Variants in HOOK3 observed in about 807,000 individuals in gnomAD.
HOOK3 encodes the protein protein Hook homolog 3.
HOOK3 carries 24 observed loss-of-function variants against 116.3 expected under a neutral mutation model. The ratio of observed to expected loss-of-function variants is 0.21; its 90% CI spans 0.15 to 0.29. The LOEUF is 0.29. Ranked by LOEUF, HOOK3 falls within the 10% of genes least tolerant of loss-of-function variation. The pLI is 1.00. For missense variants in HOOK3, 632 were observed against 830.2 expected, an observed-to-expected ratio of 0.76 and a Z score of 2.93; for synonymous variants, 275 against 283.0, an observed-to-expected ratio of 0.97 and a Z score of 0.28.
intron 13 of HOOK3, among the ~76,000 whole-genome samples, chr8:42,977,786 G>A (rs34550994): frequency 0.047 from 7,184 of 152,228 alleles, 226 homozygotes; most frequent in South Asian, 0.085. Flanking sequence ...AAAATTGCTT[G>A]AACTCGGGAG....
rs575587255 is a variant in HOOK3 at position 42,925,757 on chromosome 8, A to G, written c.216+128A>G. ...GTAGCCTGTAATGAAATAATGTAGA[A>G]TTGAAGATTGAACTCACCTGGAGTT... On this transcript the variant is annotated intron_variant, in intron 3 of 21. Coordinates refer to ENST00000307602, the MANE Select transcript of HOOK3 (RefSeq NM_032410.4). 1.6e-5 allele frequency: 10 copies of G among 616,570 alleles called. No homozygotes were observed. The South Asian group carries it at 1.9e-4, about 12-fold the overall frequency. The allele number at this position is 616,570 out of a possible 1,614,324, so 38.2% of individuals were successfully genotyped here. A position where few individuals can be genotyped will look rare whatever the true frequency, so the allele number is the denominator to read the frequency against.
intron 4 of HOOK3, among the ~76,000 whole-genome samples, chr8:42,940,715 C>T (rs1359203200): frequency 2.6e-5 from 4 of 152,032 alleles, no homozygotes; most frequent in South Asian, 2.1e-4. Context: ...GTGAATCTGA[C>T]GATTATGTGT....
chr8:42,940,375 G>A lies in HOOK3; in HGVS notation c.268-2938G>A, dbSNP rs376021129. On this transcript the variant is annotated intron_variant, in intron 4 of 21. Transcript: ENST00000307602. ...CGCGCGCCCGCAATCGCAGGCACTC[G>A]GCAGGCCAAGGCAGGAGAATCAGGC... 2.5e-4 allele frequency among the ~76,000 whole-genome samples: 38 copies of A among 152,320 alleles called. No homozygotes were observed. In the East Asian group the frequency reaches 3.5e-3, roughly 14 times the overall value.
chr8:42,944,639 T>G (rs1315227681), intron 5 of HOOK3, among the ~76,000 whole-genome samples: 1 of 151,910 alleles, frequency 6.6e-6, no homozygotes, highest in Non-Finnish European at 1.5e-5. Context: ...GCCAAGATGG[T>G]GAAACCCCAT....
At chr8:42,999,601 A>G (rs893464090) in intron 16 of HOOK3, among the ~76,000 whole-genome samples, 8 of 152,228 alleles carry the variant, frequency 5.3e-5, no homozygotes, top group Admixed American at 1.3e-4. Flanking sequence ...CCCTCTGGAG[A>G]AGAACAACAT....
intron 4 of HOOK3, among the ~76,000 whole-genome samples, chr8:42,941,122 T>G (rs1364214727): frequency 6.6e-6 from 1 of 151,734 alleles, no homozygotes; most frequent in Non-Finnish European, 1.5e-5. Flanking sequence ...AATTTTTGTA[T>G]TTTTAGTAGA....
rs1471792095 is a variant in HOOK3 at position 43,029,465 on chromosome 8, A to G, written c.*10967A>G. On this transcript the variant is annotated 3_prime_UTR_variant, in exon 22 of 22. Transcript: ENST00000307602. The stretch of plus-strand genomic sequence containing the variant: ...GCCCGGCCCAAATCTTTTATTTTTT[A>G]ACAGCCTTAGTTATTTATAATTCAA... The G allele has an allele frequency of 5.6e-6, 1 of 179,014 alleles. No individual in the cohort carries two copies. Among genetic ancestry groups the G allele is most frequent in the Non-Finnish European group, 1.2e-5 (1 of 83,552 alleles). 11.1% of individuals were successfully genotyped at this position (179,014 alleles called of 1,614,324 possible).
At chr8:42,923,026 A>G (rs1203242293) in intron 2 of HOOK3, among the ~76,000 whole-genome samples, 1 of 152,240 alleles carries the variant, frequency 6.6e-6, no homozygotes, top group African/African-American at 2.4e-5. Context: ...AAAAAAGACA[A>G]CACAGTTTTT....
intron 5 of HOOK3, among the ~76,000 whole-genome samples, chr8:42,944,877 G>T (rs1371752815): frequency 6.6e-6 from 1 of 151,858 alleles, no homozygotes; most frequent in Non-Finnish European, 1.5e-5. Flanking sequence ...AAAATTTCTC[G>T]CTAAGCATGT....
At chr8:42,999,926 C>G (rs1809347177) in intron 16 of HOOK3, among the ~76,000 whole-genome samples, 1 of 152,070 alleles carries the variant, frequency 6.6e-6, no homozygotes, top group Non-Finnish European at 1.5e-5. Flanking sequence ...GCGGGCAGAT[C>G]ACGAGGTCAG....
In HOOK3 at chr8:42,925,574, A is replaced by G. The variant is rs936801643; in HGVS notation, c.161A>G (p.Asp54Gly). The change falls in exon 3 of 22, where the codon GAT becomes GGT. Residue 54 changes from aspartate to glycine, a missense_variant. Physicochemically the swap from Asp to Gly is moderately conservative, Grantham distance 94. This residue lies in a region of HOOK3 where 141 missense variants were observed against 150.8 expected (regional missense o/e 0.93). Transcript: ENST00000307602. ...VLQKIDPAYFDENWLNRIKTE... is the reference protein window; with the variant it reads ...VLQKIDPAYFGENWLNRIKTE... Reference sequence around the variant, plus strand: ...TTTTGCAGAGATCCTGCATATTTTGATGAAAATTGGCTAAACAGAATCAAA... The same window carrying G: ...TTTTGCAGAGATCCTGCATATTTTGGTGAAAATTGGCTAAACAGAATCAAA... The G allele has an allele frequency of 3.1e-6, 5 of 1,604,308 alleles. No individual in the cohort carries two copies. The highest frequency in any genetic ancestry group is 4.3e-6 in the Non-Finnish European group (5 of 1,174,490).
Position 42,925,553 on chromosome 8 carries a change from G to C in HOOK3, c.144-4G>C, listed in dbSNP as rs781352180. 5.1e-6 allele frequency: 8 copies of C among 1,577,812 alleles called. No individual in the cohort carries two copies. Among genetic ancestry groups the C allele is most frequent in the Non-Finnish European group, 6.0e-6 (7 of 1,160,250 alleles). ...TAATATGTAAGCTTTTTCTTATTTT[G>C]CAGAGATCCTGCATATTTTGATGAA... On this transcript the variant is annotated splice_region_variant and splice_polypyrimidine_tract_variant and intron_variant, in intron 2 of 21. Coordinates refer to ENST00000307602, the MANE Select transcript of HOOK3 (RefSeq NM_032410.4).
chr8:43,008,633 A>AT (rs894605402), intron 18 of HOOK3, among the ~76,000 whole-genome samples: 1 of 138,954 alleles, frequency 7.2e-6, no homozygotes, highest in African/African-American at 2.7e-5. Flanking sequence ...TTAAATTTTT[A>AT]TTTTTATTTT....
rs1444562772 is a variant in HOOK3, at chr8:43,002,096, T to C, written c.1621-11T>C. On this transcript the variant is annotated splice_polypyrimidine_tract_variant and intron_variant, in intron 16 of 21. Coordinates refer to ENST00000307602, the MANE Select transcript of HOOK3 (RefSeq NM_032410.4). ...GTGAGGTAATAAACTAATTTTGTTT[T>C]TCATTTTTAGTCAGTCCTTCTAAAA... 1.3e-6 allele frequency: 2 copies of C among 1,550,776 alleles called. No individual in the cohort carries two copies. Among genetic ancestry groups the C allele is most frequent in the African/African-American group, 2.7e-5 (2 of 73,616 alleles).
At position 43,027,846 on chromosome 8, in the gene HOOK3, A is replaced by C. The variant is rs1371507592; in HGVS notation, c.*9348A>C. 4.9e-6 allele frequency: 1 copy of C among 202,480 alleles called. No individual in the cohort carries two copies. The highest frequency in any genetic ancestry group is 1.0e-5 in the Non-Finnish European group (1 of 98,560). 12.5% of individuals were successfully genotyped at this position (202,480 alleles called of 1,614,324 possible). A position where few individuals can be genotyped will look rare whatever the true frequency, so the allele number is the denominator to read the frequency against. On this transcript the variant is annotated 3_prime_UTR_variant, in exon 22 of 22. Transcript: ENST00000307602. ...AGTCACATGTGGATAGTAGTTACCT[A>C]TCAGACAGTACAGGTATAGAACATT...
At chr8:42,939,068 G>A (rs1282064028) in intron 4 of HOOK3, among the ~76,000 whole-genome samples, 1 of 152,178 alleles carries the variant, frequency 6.6e-6, no homozygotes, top group African/African-American at 2.4e-5. Context: ...CAAGGCAGAA[G>A]AATTTTTCTT....
chr8:42,984,208 A>G (rs1809004819), intron 14 of HOOK3, among the ~76,000 whole-genome samples: 1 of 152,030 alleles, frequency 6.6e-6, no homozygotes, highest in Non-Finnish European at 1.5e-5. Context: ...TCTCTACTAA[A>G]AAGTACAAAA....
chr8:42,992,481 G>A (rs1809183648), intron 15 of HOOK3, among the ~76,000 whole-genome samples: 1 of 149,404 alleles, frequency 6.7e-6, no homozygotes. Context: ...ACTTTGGGAG[G>A]CTGAGGCGGG....
chr8:43,029,072 C>G lies in HOOK3; in HGVS notation c.*10574C>G, dbSNP rs1052206047. 2 of 185,200 alleles carry G rather than the reference C, an allele frequency of 1.1e-5. No homozygotes were observed. The highest frequency in any genetic ancestry group is 4.7e-5 in the African/African-American group (2 of 42,600). The allele number at this position is 185,200 out of a possible 1,614,324, so 11.5% of individuals were successfully genotyped here. A position where few individuals can be genotyped will look rare whatever the true frequency, so the allele number is the denominator to read the frequency against. ...TTGAAATAAGAAATAGCATTTTACT[C>G]TAAATACAAGAAATGACTGTACACA... On this transcript the variant is annotated 3_prime_UTR_variant, in exon 22 of 22. Transcript: ENST00000307602.
Sources: gnomAD v4.1 joint callset for allele counts (sites outside exome capture counted in the v4.1 genomes callset) on GRCh38, gnomAD v4.1.1 for gene constraint, gnomAD v4.1.1 regional missense constraint, MANE v1.5 for transcripts, NCBI Gene and HGNC (gene_info 2026-07-23, HGNC 2026-07-21) for gene names.